ZNF624: variants seen among roughly 807,000 people sequenced by gnomAD.
ZNF624 encodes zinc finger protein 624.
Under a neutral mutation model 74.7 loss-of-function variants are expected in ZNF624, and 43 were observed. That is an observed-to-expected ratio of 0.58 (90% confidence interval 0.45 to 0.74). The LOEUF (loss-of-function observed/expected upper bound fraction) is 0.74, where lower values mean the gene tolerates loss of function less well. ZNF624 is among the 30% of genes least tolerant of loss of function. ZNF624 has a pLI of 0.00. For synonymous variants in ZNF624, 331 were observed against 341.3 expected (o/e 0.97, Z 0.33); for missense variants, 820 against 1,030.0 (o/e 0.80, Z 2.79).
At chr17:16,649,880 G>A (rs1909680463) in intron 1 of ZNF624, 134 bp from the exon 2 acceptor site, 2 of 667,496 alleles carry the variant, frequency 3.0e-6, no homozygotes, top group Non-Finnish European at 2.6e-6. Flanking sequence ...ATCAGTGAGG[G>A]ACAAAGACCC....
downstream of ZNF624, chr17:16,620,629 T>C (rs1356228752): frequency 6.6e-6 from 1 of 152,168 alleles, no homozygotes; most frequent in African/African-American, 2.4e-5. Context: ...TCAGAACCAA[T>C]TTCCATGCTC....
At chr17:16,630,134 T>C (rs1385715755) in intron 5 of ZNF624, among the ~76,000 whole-genome samples, 1 of 152,054 alleles carries the variant, frequency 6.6e-6, no homozygotes, top group African/African-American at 2.4e-5. Flanking sequence ...CCACAGATTG[T>C]ACATAAGACA....
rs752781687 is a variant in ZNF624 at position 16,649,735 on chromosome 17, G to A, written c.10C>T (p.Gln4Ter). The change falls in exon 2 of 6, where the codon CAA becomes TAA. Residue 4 changes from glutamine (Q) to a stop codon, truncating the protein, a stop_gained. Coordinates refer to ENST00000311331, the MANE Select transcript of ZNF624 (RefSeq NM_020787.4). LOFTEE classifies it high-confidence loss of function. MSL[Q>*]DSTLSREGKP... Reference sequence around the variant, plus strand: ...CCCTCTCTGGAAAGAGTGGAGTCTTGCAAAGACATACCTAAGGAAGAGAAA... The same window carrying A: ...CCCTCTCTGGAAAGAGTGGAGTCTTACAAAGACATACCTAAGGAAGAGAAA... The A allele has an allele frequency of 8.7e-6, 14 of 1,613,386 alleles. No homozygotes were observed. The highest frequency in any genetic ancestry group is 1.6e-4 in the Middle Eastern group (1 of 6,062).
chr17:16,647,096 A>G (rs1422943131), intron 3 of ZNF624, among the ~76,000 whole-genome samples: 2 of 152,214 alleles, frequency 1.3e-5, no homozygotes, highest in South Asian at 2.1e-4. Flanking sequence ...GCTTCAGACT[A>G]CGTAATGATA....
At chr17:16,650,578 T>A (rs2142664442) in intron 1 of ZNF624, among the ~76,000 whole-genome samples, 1 of 152,278 alleles carries the variant, frequency 6.6e-6, no homozygotes, top group East Asian at 1.9e-4. Context: ...TGGGCCCTGC[T>A]TTTCTACCTT....
At chr17:16,620,358 C>T (rs975126662), downstream of ZNF624, among the ~76,000 whole-genome samples, 2 of 152,178 alleles carry the variant, frequency 1.3e-5, no homozygotes, top group Non-Finnish European at 2.9e-5. Flanking sequence ...TACACTTCAT[C>T]ATGCAAAGTT....
intron 5 of ZNF624, among the ~76,000 whole-genome samples, chr17:16,626,988 G>C (rs766344638): frequency 6.6e-5 from 10 of 152,120 alleles, no homozygotes; most frequent in Non-Finnish European, 1.2e-4. Flanking sequence ...CCAGGAGGCG[G>C]AGGTTGCAGT....
At chr17:16,647,146 C>T (rs554407944) in intron 3 of ZNF624, among the ~76,000 whole-genome samples, 183 bp downstream of exon 3, 2 of 152,286 alleles carry the variant, frequency 1.3e-5, no homozygotes, top group South Asian at 4.1e-4. Context: ...GACTATCTGG[C>T]TAGATTACGG....
downstream of ZNF624, chr17:16,617,771 G>A: frequency 4.3e-6 from 7 of 1,609,688 alleles, no homozygotes; most frequent in Non-Finnish European, 5.9e-6. Context: ...CCACGAAGCC[G>A]TAGCCATTTT....
intron 5 of ZNF624, among the ~76,000 whole-genome samples, chr17:16,627,745 C>T (rs1256646496): frequency 2.0e-5 from 3 of 152,128 alleles, no homozygotes; most frequent in African/African-American, 4.8e-5. Flanking sequence ...ACAAATAGAA[C>T]GACTAAGAAA....
rs1354575983 is a variant in ZNF624, at chr17:16,623,931, G to A, written c.955C>T (p.Leu319Phe). The A allele has an allele frequency of 6.2e-7, 1 of 1,613,858 alleles. No individual in the cohort carries two copies. Among genetic ancestry groups the A allele is most frequent in the Admixed American group, 1.7e-5 (1 of 60,026 alleles). Residue 319 changes from leucine to phenylalanine, a missense_variant, in exon 6 of 6, where the codon CTC becomes TTC. Coordinates refer to ENST00000311331, the MANE Select transcript of ZNF624 (RefSeq NM_020787.4). The surrounding 1 kb of genome is among the most constrained non-coding windows in gnomAD (Gnocchi z 5.3). Reference protein sequence around the residue: ...CGKTFSQPSYLSQHKKIHTGE... With the variant: ...CGKTFSQPSYFSQHKKIHTGE... ...GTGTGGATTTTTTTGTGCTGACTGA[G>A]ATATGAAGGCTGGCTGAATGTTTTC...
rs1406390604 is a variant in ZNF624 at position 16,623,187 on chromosome 17, G to A, written c.1699C>T (p.Arg567Cys). 3.7e-6 allele frequency: 6 copies of A among 1,613,502 alleles called. No individual in the cohort carries two copies. Among genetic ancestry groups the A allele is most frequent in the South Asian group, 1.1e-5 (1 of 91,024 alleles). ...TGATGTATAATTAGAGAAGAAGAAC[G>A]CATGAAGGCCTTTCCACATTCAGTA... Reference protein sequence around the residue: ...KCTECGKAFMRSSSLIIHQRI... With the variant: ...KCTECGKAFMCSSSLIIHQRI... The change falls in exon 6 of 6, where the codon CGT becomes TGT. Residue 567 changes from arginine (R) to cysteine (C), a missense_variant. Coordinates refer to ENST00000311331, the MANE Select transcript of ZNF624 (RefSeq NM_020787.4). This position sits in a 1 kb window ranked among gnomAD's most constrained non-coding sequence, Gnocchi z 5.3.
downstream of ZNF624, chr17:16,617,749 A>C: frequency 6.2e-7 from 1 of 1,604,440 alleles, no homozygotes; most frequent in Non-Finnish European, 8.5e-7. Flanking sequence ...GTGTCGCGGG[A>C]GTCCTCGAAC....
intron 5 of ZNF624, among the ~76,000 whole-genome samples, chr17:16,629,829 T>C (rs1909164894): frequency 6.6e-6 from 1 of 152,212 alleles, no homozygotes; most frequent in Admixed American, 6.5e-5. Flanking sequence ...ACCAAAGTGC[T>C]GGGATTACAA....
Position 16,623,958 on chromosome 17 carries a change from CACATTCATT to C in ZNF624, c.919_927del (p.Asn307_Cys309del). ...TATGAAGGCTGGCTGAATGTTTTCC[CACATTCATT>C]ACATTCATAAGGTTTTTCTTTAGTA... is the stretch of plus-strand genomic sequence containing the variant. On this transcript the variant is annotated inframe_deletion, in exon 6 of 6. Coordinates refer to ENST00000311331, the MANE Select transcript of ZNF624 (RefSeq NM_020787.4). This position sits in a 1 kb window ranked among gnomAD's most constrained non-coding sequence, Gnocchi z 5.3. 6.2e-7 allele frequency: 1 copy of C among 1,613,936 alleles called. No homozygotes were observed. The highest frequency in any genetic ancestry group is 8.5e-7 in the Non-Finnish European group (1 of 1,179,992).
downstream of ZNF624, chr17:16,617,330 T>C (rs1246742852): frequency 4.3e-6 from 7 of 1,613,642 alleles, no homozygotes; most frequent in East Asian, 6.7e-5. Flanking sequence ...CTATGGCTTG[T>C]GCGTGGCTTA....
intron 4 of ZNF624, 35 bp downstream of exon 4, chr17:16,634,595 C>A: frequency 6.3e-7 from 1 of 1,593,182 alleles, no homozygotes. Flanking sequence ...GTCAAATGGG[C>A]AGATCAATCA....
downstream of ZNF624, chr17:16,617,005 G>A: frequency 6.2e-7 from 1 of 1,607,344 alleles, no homozygotes; most frequent in Non-Finnish European, 8.5e-7. Flanking sequence ...CCTTGATCTG[G>A]ATTTTGACTT....
rs543555095 is a variant in ZNF624 at position 16,648,794 on chromosome 17, T to C, written c.87+864A>G. 2.6e-5 allele frequency among the ~76,000 whole-genome samples: 4 copies of C among 152,260 alleles called. No individual in the cohort carries two copies. In the South Asian group the frequency reaches 8.3e-4, roughly 32 times the overall value. ...CATTTAAATGTCTTCAGGGAAACAT[T>C]AAAAGATTCATCTTAAATATCTAAC... On this transcript the variant is annotated intron_variant, in intron 2 of 5. Transcript: ENST00000311331.
Sources: allele counts gnomAD v4.1 joint callset (sites outside exome capture counted in the v4.1 genomes callset), GRCh38; gene constraint gnomAD v4.1.1; non-coding constraint Gnocchi (gnomAD v3.1); transcripts MANE v1.5; gene names NCBI Gene and HGNC (gene_info 2026-07-23, HGNC 2026-07-21).